Variants in NTHL1 observed in about 807,000 individuals in gnomAD.
NTHL1 encodes nth like DNA glycosylase 1.
In NTHL1, 32 loss-of-function variants were observed where a neutral mutation model predicts 32.3. That is an observed-to-expected ratio of 0.99 (90% confidence interval 0.75 to 1.33). The LOEUF is 1.33. NTHL1 is among the 40% of genes most tolerant of loss of function. The pLI, the probability that NTHL1 is intolerant of heterozygous loss-of-function variation, is 0.00. For missense variants in NTHL1, 501 were observed against 414.1 expected, an observed-to-expected ratio of 1.21 and a Z score of -1.82; for synonymous variants, 188 against 176.9, an observed-to-expected ratio of 1.06 and a Z score of -0.50.
At chr16:2,040,293 G>T in intron 4 of NTHL1, 55 bp from the exon 5 acceptor site, 1 of 1,514,742 alleles carries the variant, frequency 6.6e-7, no homozygotes, top group Non-Finnish European at 9.1e-7. Context: ...CCTAGCCCGT[G>T]CCCCTCCCCG....
At chr16:2,042,661 C>T (rs1392534557) in intron 4 of NTHL1, among the ~76,000 whole-genome samples, 1 of 152,146 alleles carries the variant, frequency 6.6e-6, no homozygotes, top group Non-Finnish European at 1.5e-5. Flanking sequence ...GAGGAGGAGG[C>T]AGCCCCACCC....
In NTHL1 at chr16:2,044,029, A is replaced by C; in HGVS notation, c.526-303T>G. On this transcript the variant is annotated intron_variant, in intron 3 of 5. Transcript: ENST00000651570. The surrounding 1 kb of genome is among the most constrained non-coding windows in gnomAD (Gnocchi z 5.0). ...CAGGCCAAGCAGGCCAGCCGCTCCC[A>C]GGAGTGGGGCTTGGCTGCACCTGCG... The C allele has an allele frequency of 2.2e-6, 1 of 458,928 alleles. No individual in the cohort carries two copies. The highest frequency in any genetic ancestry group is 4.0e-6 in the Non-Finnish European group (1 of 247,344). 28.4% of individuals were successfully genotyped at this position (458,928 alleles called of 1,614,324 possible). A position where few individuals can be genotyped will look rare whatever the true frequency, so the allele number is the denominator to read the frequency against.
Position 2,040,047 on chromosome 16 carries a change from C to T in NTHL1, c.792G>A (p.Arg264=). ...GTCCATTGATCTCGTGCCACAGCTC[C>T]CTGTGGGGGTGGGGGCTGGGTCAGT... ...TRAALEEWLP[R]ELWHEINGLL... is the part of the protein sequence containing the mutation. The change falls in exon 6 of 6, where the codon AGG becomes AGA. Residue 264 remains arginine (R), a splice_region_variant and synonymous_variant. Transcript: ENST00000651570. 1.2e-6 allele frequency: 2 copies of T among 1,612,580 alleles called. No individual in the cohort carries two copies. The highest frequency in any genetic ancestry group is 1.7e-6 in the Non-Finnish European group (2 of 1,180,008).
At chr16:2,040,381 CAT>C (rs1416591519) in intron 4 of NTHL1, 143 bp from the exon 5 acceptor site, 1 of 783,798 alleles carries the variant, frequency 1.3e-6, no homozygotes, top group African/African-American at 1.7e-5. Context: ...TGCAAGCCTA[CAT>C]GTGACCATCT....
At chr16:2,046,615 C>A (rs1254948584) in intron 1 of NTHL1, among the ~76,000 whole-genome samples, 2 of 152,158 alleles carry the variant, frequency 1.3e-5, no homozygotes, top group Admixed American at 1.3e-4. Flanking sequence ...CCCAATACAT[C>A]TTCTATACTG....
In NTHL1 at chr16:2,044,482, C is replaced by T; in HGVS notation, c.525+148G>A. 1 of 969,932 alleles carries T rather than the reference C, an allele frequency of 1.0e-6. No homozygotes were observed. Among genetic ancestry groups the T allele is most frequent in the East Asian group, 2.5e-5 (1 of 39,256 alleles). The allele number at this position is 969,932 out of a possible 1,614,324, so 60.1% of individuals were successfully genotyped here. A position where few individuals can be genotyped will look rare whatever the true frequency, so the allele number is the denominator to read the frequency against. Reference sequence around the variant, plus strand: ...TGGGACTGGGCGTCAGGCCTCAGGGCCCCACGGCCTGGGGGGGGCTTCAGG... The same window carrying T: ...TGGGACTGGGCGTCAGGCCTCAGGGTCCCACGGCCTGGGGGGGGCTTCAGG... On this transcript the variant is annotated intron_variant, in intron 3 of 5. Coordinates refer to ENST00000651570, the MANE Select transcript of NTHL1 (RefSeq NM_002528.7). This position sits in a 1 kb window ranked among gnomAD's most constrained non-coding sequence, Gnocchi z 5.0.
rs545649663 is a variant in NTHL1 at position 2,044,287 on chromosome 16, G to T, written c.525+343C>A. On this transcript the variant is annotated intron_variant, in intron 3 of 5. Coordinates refer to ENST00000651570, the MANE Select transcript of NTHL1 (RefSeq NM_002528.7). The surrounding 1 kb of genome is among the most constrained non-coding windows in gnomAD (Gnocchi z 5.0). ...GAGCAGCCTCCCCAGGGCTCCTGGAGGGTGAGGGGCTCTGGACAGGAGGGG... is the reference window on the plus strand; with the variant it reads ...GAGCAGCCTCCCCAGGGCTCCTGGATGGTGAGGGGCTCTGGACAGGAGGGG... 1.5e-4 allele frequency among the ~76,000 whole-genome samples: 23 copies of T among 152,352 alleles called. No homozygotes were observed. Among genetic ancestry groups the T allele is most frequent in the South Asian group, 6.2e-4 (3 of 4,830 alleles).
intron 4 of NTHL1, among the ~76,000 whole-genome samples, chr16:2,041,748 C>T (rs988883035): frequency 1.3e-5 from 2 of 152,154 alleles, no homozygotes; most frequent in South Asian, 2.1e-4. Flanking sequence ...GCTGGGACAA[C>T]AGGCGCCTGA....
chr16:2,044,859 G>T lies in NTHL1; in HGVS notation c.355-59C>A. The T allele has an allele frequency of 1.3e-6, 2 of 1,510,480 alleles. No individual in the cohort carries two copies. 93.6% of individuals were successfully genotyped at this position (1,510,480 alleles called of 1,614,324 possible). A position where few individuals can be genotyped will look rare whatever the true frequency, so the allele number is the denominator to read the frequency against. On this transcript the variant is annotated intron_variant, in intron 2 of 5. Transcript: ENST00000651570. This position sits in a 1 kb window ranked among gnomAD's most constrained non-coding sequence, Gnocchi z 5.0. Reference sequence around the variant, plus strand: ...CGGGTCCTGGGTGATTCCCTGGCCAGGCTCCGCCCCCCGCCCTCGACACAC... The same window carrying T: ...CGGGTCCTGGGTGATTCCCTGGCCATGCTCCGCCCCCCGCCCTCGACACAC...
rs1448270554 is a variant in NTHL1 at position 2,043,940 on chromosome 16, A to T, written c.526-214T>A. On this transcript the variant is annotated intron_variant, in intron 3 of 5. Transcript: ENST00000651570. This position sits in a 1 kb window ranked among gnomAD's most constrained non-coding sequence, Gnocchi z 4.4. ...CCCCCTCCTCCCACCCGTGTGGGCC[A>T]ATGATGCACGTGTAGGCTCTGGCTG... 4 of 596,590 alleles carry T rather than the reference A, an allele frequency of 6.7e-6. No homozygotes were observed. The East Asian group carries it at 1.1e-4, about 17-fold the overall frequency. The allele number at this position is 596,590 out of a possible 1,614,324, so 37.0% of individuals were successfully genotyped here. A position where few individuals can be genotyped will look rare whatever the true frequency, so the allele number is the denominator to read the frequency against.
Position 2,043,043 on chromosome 16 carries a change from C to T in NTHL1, c.685+524G>A, listed in dbSNP as rs536236764. Among the ~76,000 whole-genome samples, 1 of 144,020 alleles carries T rather than the reference C, an allele frequency of 6.9e-6. No individual in the cohort carries two copies. Among genetic ancestry groups the T allele is most frequent in the Admixed American group, 7.0e-5 (1 of 14,266 alleles). The allele number at this position is 144,020 out of a possible 152,430, so 94.5% of individuals were successfully genotyped here. On this transcript the variant is annotated intron_variant, in intron 4 of 5. Coordinates refer to ENST00000651570, the MANE Select transcript of NTHL1 (RefSeq NM_002528.7). This position sits in a 1 kb window ranked among gnomAD's most constrained non-coding sequence, Gnocchi z 4.4. ...CCTCCCTCCTCAGTCCTTACCTCCC[C>T]ACTCTGCCCTCATCTCATTCCAGAA...
In NTHL1 at chr16:2,046,235, C is replaced by A. The variant is rs1228972041; in HGVS notation, c.247G>T (p.Asp83Tyr). Residue 83 changes from aspartate to tyrosine, a missense_variant, in exon 2 of 6, where the codon GAC (aspartate) becomes TAC (tyrosine). Coordinates refer to ENST00000651570, the MANE Select transcript of NTHL1 (RefSeq NM_002528.7). ...PLKVPVWEPQ[D>Y]WQQQLVNIRA... ...ATGTTGACCAGCTGTTGCTGCCAGT[C>A]CTGGGGCTCCCAGACTGGCACCTTG... is the stretch of plus-strand genomic sequence containing the variant. 3 of 1,613,116 alleles carry A rather than the reference C, an allele frequency of 1.9e-6. No individual in the cohort carries two copies. Among genetic ancestry groups the A allele is most frequent in the Non-Finnish European group, 2.5e-6 (3 of 1,180,022 alleles).
chr16:2,040,714 C>G (rs921709690), intron 4 of NTHL1, among the ~76,000 whole-genome samples: 1 of 152,164 alleles, frequency 6.6e-6, no homozygotes, highest in Non-Finnish European at 1.5e-5. Context: ...AACCGAGGCC[C>G]GGCAGGATCC....
chr16:2,047,278 T>G (rs1315883202), intron 1 of NTHL1: 5 of 217,254 alleles, frequency 2.3e-5, no homozygotes, highest in African/African-American at 1.2e-4. Context: ...ATAAATATAA[T>G]AAGTGCCATG....
In NTHL1 at chr16:2,044,122, C is replaced by A. The variant is rs2084308068; in HGVS notation, c.526-396G>T. The A allele has an allele frequency of 2.8e-6, 1 of 361,846 alleles. No homozygotes were observed. The allele number at this position is 361,846 out of a possible 1,614,324, so 22.4% of individuals were successfully genotyped here. On this transcript the variant is annotated intron_variant, in intron 3 of 5. Coordinates refer to ENST00000651570, the MANE Select transcript of NTHL1 (RefSeq NM_002528.7). This position sits in a 1 kb window ranked among gnomAD's most constrained non-coding sequence, Gnocchi z 5.0. ...GCCAGGCCTGCCGGGTGGTTCCCAT[C>A]CTGTGCCTGAGTGGAGAGGGCTATT...
chr16:2,042,123 G>A (rs2084275550), intron 4 of NTHL1: 1 of 455,586 alleles, frequency 2.2e-6, no homozygotes, highest in Non-Finnish European at 4.4e-6. Context: ...GGGTCTCCTT[G>A]CAGGTGGTCA....
chr16:2,045,578 A>C (rs1045146760), intron 2 of NTHL1, among the ~76,000 whole-genome samples: 1 of 152,062 alleles, frequency 6.6e-6, no homozygotes, highest in Non-Finnish European at 1.5e-5. Flanking sequence ...CTGGGGTTAC[A>C]GGTGCCTGCC....
At chr16:2,047,650 C>A in intron 1 of NTHL1, 59 bp downstream of exon 1, 3 of 1,526,174 alleles carry the variant, frequency 2.0e-6, no homozygotes, top group Non-Finnish European at 2.6e-6. Context: ...CGGCCCGGGA[C>A]TCCAGCCTGC....
At chr16:2,042,828 C>A (rs1313890457) in intron 4 of NTHL1, among the ~76,000 whole-genome samples, 1 of 119,848 alleles carries the variant, frequency 8.3e-6, no homozygotes, top group Non-Finnish European at 1.8e-5. Flanking sequence ...CTCTTCTCCC[C>A]GCAGCACCTC....
Sources: gnomAD v4.1 joint callset for allele counts (sites outside exome capture counted in the v4.1 genomes callset) on GRCh38, gnomAD v4.1.1 for gene constraint, Gnocchi (gnomAD v3.1) non-coding constraint, MANE v1.5 for transcripts, NCBI Gene and HGNC (gene_info 2026-07-23, HGNC 2026-07-21) for gene names.